The following NLGN1 variants were observed in gnomAD, a reference collection of about 807,000 sequenced individuals.
NLGN1 encodes the protein neuroligin 1.
NLGN1 carries 12 observed loss-of-function variants against 65.5 expected under a neutral mutation model. That is an observed-to-expected ratio of 0.18 (90% confidence interval 0.12 to 0.30). The LOEUF is 0.30. Among genes scored for constraint, NLGN1 ranks in the 10% least tolerant of loss-of-function variants. The pLI is 1.00. For synonymous variants in NLGN1, 350 were observed against 359.5 expected, an observed-to-expected ratio of 0.97 and a Z score of 0.30; for missense variants, 750 against 1,007.1, an observed-to-expected ratio of 0.74 and a Z score of 3.46.
chr3:174,000,336 T>C (rs1160852493), intron 4 of NLGN1, among the ~76,000 whole-genome samples: 1 of 152,184 alleles, frequency 6.6e-6, no homozygotes, highest in African/African-American at 2.4e-5. Flanking sequence ...TAGCAAATGC[T>C]CTATTCACAT....
At chr3:173,828,121 T>A (rs1721737602) in intron 4 of NLGN1, among the ~76,000 whole-genome samples, 1 of 152,294 alleles carries the variant, frequency 6.6e-6, no homozygotes, top group East Asian at 1.9e-4. Context: ...TATTTTATAA[T>A]TTTCATAATT....
intron 4 of NLGN1, among the ~76,000 whole-genome samples, chr3:173,860,219 G>C (rs1403540804): frequency 1.3e-5 from 2 of 151,396 alleles, no homozygotes; most frequent in Non-Finnish European, 2.9e-5. Flanking sequence ...CAAAAATACT[G>C]TTTTACATGT....
chr3:173,488,925 C>G (rs1042562923), intron 2 of NLGN1, among the ~76,000 whole-genome samples: 5 of 149,132 alleles, frequency 3.4e-5, no homozygotes, highest in African/African-American at 5.0e-5. Context: ...ATTTCTATCT[C>G]TTTATTTCTC....
chr3:173,968,918 C>T (rs1035549866), intron 4 of NLGN1, among the ~76,000 whole-genome samples: 6 of 151,510 alleles, frequency 4.0e-5, no homozygotes, highest in African/African-American at 1.2e-4. Flanking sequence ...CCAGGCTGGT[C>T]TCAAACTCCT....
intron 4 of NLGN1, among the ~76,000 whole-genome samples, chr3:173,875,597 C>A (rs900184751): frequency 1.3e-5 from 2 of 152,034 alleles, no homozygotes; most frequent in Non-Finnish European, 2.9e-5. Context: ...ATTATTTATT[C>A]CAAATAATTT....
At chr3:173,470,824 C>T (rs1433994437) in intron 2 of NLGN1, among the ~76,000 whole-genome samples, 1 of 152,064 alleles carries the variant, frequency 6.6e-6, no homozygotes, top group Non-Finnish European at 1.5e-5. Context: ...GTTTATTCAT[C>T]TTCATATCTC....
intron 3 of NLGN1, among the ~76,000 whole-genome samples, chr3:173,671,334 T>C (rs1762418909): frequency 1.3e-5 from 2 of 152,146 alleles, no homozygotes; most frequent in Non-Finnish European, 2.9e-5. Flanking sequence ...ACCCCGCCTC[T>C]ACATGAAATA....
chr3:174,054,139 T>A (rs1053594534), intron 4 of NLGN1, among the ~76,000 whole-genome samples: 2 of 152,034 alleles, frequency 1.3e-5, no homozygotes, highest in African/African-American at 4.8e-5. Context: ...TGGCTTCAAA[T>A]GTTTTCACTG....
At chr3:173,862,481 G>A (rs906445835) in intron 4 of NLGN1, among the ~76,000 whole-genome samples, 1 of 134,756 alleles carries the variant, frequency 7.4e-6, no homozygotes, top group East Asian at 2.2e-4. Flanking sequence ...ACTCCAGCCT[G>A]GGCGACAGAG....
At chr3:173,738,171 T>G (rs541664692) in intron 3 of NLGN1, among the ~76,000 whole-genome samples, 12 of 152,128 alleles carry the variant, frequency 7.9e-5, no homozygotes, top group African/African-American at 2.9e-4. Flanking sequence ...ATACATGATT[T>G]GCAAATATTT....
At chr3:173,517,407 G>T (rs1733978291) in intron 2 of NLGN1, among the ~76,000 whole-genome samples, 1 of 151,960 alleles carries the variant, frequency 6.6e-6, no homozygotes, top group South Asian at 2.1e-4. Flanking sequence ...CTCTCACTCT[G>T]TCTTCTGAAT....
At chr3:173,657,052 C>T (rs1760158687) in intron 3 of NLGN1, among the ~76,000 whole-genome samples, 1 of 152,074 alleles carries the variant, frequency 6.6e-6, no homozygotes, top group Non-Finnish European at 1.5e-5. Flanking sequence ...AAAGAAGACA[C>T]AGTTTTCATT....
At chr3:173,665,901 G>A (rs1032358393) in intron 3 of NLGN1, among the ~76,000 whole-genome samples, 6 of 151,734 alleles carry the variant, frequency 4.0e-5, no homozygotes, top group South Asian at 2.1e-4. Context: ...TATTAATTTC[G>A]GCCTTCCATT....
chr3:173,918,702 GTATATATATA>G, intron 4 of NLGN1, among the ~76,000 whole-genome samples: 1 of 68,030 alleles, frequency 1.5e-5, no homozygotes, highest in African/African-American at 5.4e-5. Context: ...GTGTGTGTGT[GTATATATATA>G]TATTGCATAG....
At chr3:174,175,586 A>G (rs1162919674) in intron 4 of NLGN1, among the ~76,000 whole-genome samples, 1 of 151,864 alleles carries the variant, frequency 6.6e-6, no homozygotes, top group Non-Finnish European at 1.5e-5. Context: ...AGAATATTGC[A>G]TGGAAAACTG....
At chr3:173,853,359 T>G (rs1001229598) in intron 4 of NLGN1, among the ~76,000 whole-genome samples, 1 of 152,200 alleles carries the variant, frequency 6.6e-6, no homozygotes, top group African/African-American at 2.4e-5. Flanking sequence ...ATAAACTAGC[T>G]TCAGTGCATC....
At chr3:174,275,661 C>T in intron 5 of NLGN1, 134 bp downstream of exon 5, 1 of 627,572 alleles carries the variant, frequency 1.6e-6, no homozygotes, top group East Asian at 2.7e-5. Flanking sequence ...AGCTTTGTTT[C>T]TTCAGTTTTT....
intron 3 of NLGN1, among the ~76,000 whole-genome samples, chr3:173,737,450 C>A (rs1773952789): frequency 6.6e-6 from 1 of 152,022 alleles, no homozygotes; most frequent in African/African-American, 2.4e-5. Flanking sequence ...CACCTCTAGA[C>A]AACCATTAAT....
chr3:173,827,372 G>A (rs1038864404), intron 4 of NLGN1, among the ~76,000 whole-genome samples: 1 of 152,066 alleles, frequency 6.6e-6, no homozygotes, highest in African/African-American at 2.4e-5. Flanking sequence ...TTAAGGCTGG[G>A]CAGGAGATCA....
Sources: allele counts gnomAD v4.1 joint callset (sites outside exome capture counted in the v4.1 genomes callset), GRCh38; gene constraint gnomAD v4.1.1; transcripts MANE v1.5; gene names NCBI Gene and HGNC (gene_info 2026-07-23, HGNC 2026-07-21).